The following NFKBIL1 variants were observed in gnomAD, a reference collection of about 807,000 sequenced individuals.
The protein encoded by NFKBIL1 is NF-kappa-B inhibitor-like protein 1.
In NFKBIL1, 30 loss-of-function variants were observed where a neutral mutation model predicts 45.4. That is an observed-to-expected ratio of 0.66 (90% CI 0.49 to 0.90). The LOEUF is 0.90. Among genes scored for constraint, NFKBIL1 ranks in the 40% least tolerant of loss-of-function variants. The pLI is 0.00. For missense variants in NFKBIL1, 434 were observed against 513.4 expected (o/e 0.85, Z 1.49); for synonymous variants, 179 against 197.3 (o/e 0.91, Z 0.78).
intron 2 of NFKBIL1, chr6:31,556,766 C>T (rs1562454833): frequency 4.4e-6 from 2 of 457,196 alleles, no homozygotes; most frequent in South Asian, 1.5e-5. Context: ...CTCCCCACCC[C>T]TCTCCCATCA....
intron 2 of NFKBIL1, among the ~76,000 whole-genome samples, chr6:31,551,024 G>A (rs1415610393): frequency 6.6e-6 from 1 of 151,850 alleles, no homozygotes; most frequent in Non-Finnish European, 1.5e-5. Flanking sequence ...TTCCTTTATT[G>A]TTTGTTTGCT....
intron 2 of NFKBIL1, among the ~76,000 whole-genome samples, chr6:31,554,600 G>A (rs763932096): frequency 6.6e-6 from 1 of 152,034 alleles, no homozygotes; most frequent in Non-Finnish European, 1.5e-5. Flanking sequence ...AAAAAACATT[G>A]TTAATAAAAT....
chr6:31,554,832 A>G (rs1018686493), intron 2 of NFKBIL1, among the ~76,000 whole-genome samples: 7 of 152,238 alleles, frequency 4.6e-5, no homozygotes, highest in African/African-American at 9.6e-5. Flanking sequence ...AACAAAGTCT[A>G]TCGATATTGG....
At position 31,557,512 on chromosome 6, in the gene NFKBIL1, C is replaced by T; in HGVS notation, c.335-116C>T. 1 of 705,826 alleles carries T rather than the reference C, an allele frequency of 1.4e-6. No homozygotes were observed. The highest frequency in any genetic ancestry group is 2.8e-5 in the South Asian group (1 of 35,716). 43.7% of individuals were successfully genotyped at this position (705,826 alleles called of 1,614,324 possible). On this transcript the variant is annotated intron_variant, in intron 2 of 3. Coordinates refer to ENST00000376148, the MANE Select transcript of NFKBIL1 (RefSeq NM_005007.4). The surrounding 1 kb of genome is among the most constrained non-coding windows in gnomAD (Gnocchi z 5.4). The stretch of plus-strand genomic sequence containing the variant: ...ATACCCAGGAGGCATCCATGTGAGC[C>T]ACCCTTCCATTGCTTTAAGACCAAG...
Position 31,557,875 on chromosome 6 carries a change from C to A in NFKBIL1, c.556+26C>A. On this transcript the variant is annotated intron_variant, in intron 3 of 3. Transcript: ENST00000376148. The surrounding 1 kb of genome is among the most constrained non-coding windows in gnomAD (Gnocchi z 5.4). ...GTGAGAAGTCCACTGCTATCCACAG[C>A]TGCCCTTCCCCACTGGCTGCTTTCC... The A allele has an allele frequency of 6.4e-7, 1 of 1,555,626 alleles. No individual in the cohort carries two copies. Among genetic ancestry groups the A allele is most frequent in the Admixed American group, 1.8e-5 (1 of 54,886 alleles).
At chr6:31,554,562 T>C (rs1769610635) in intron 2 of NFKBIL1, among the ~76,000 whole-genome samples, 1 of 151,846 alleles carries the variant, frequency 6.6e-6, no homozygotes, top group South Asian at 2.1e-4. Flanking sequence ...TCACAAAAAA[T>C]ACAAATAGCC....
intron 2 of NFKBIL1, among the ~76,000 whole-genome samples, chr6:31,554,349 G>A (rs1239647029): frequency 6.6e-6 from 1 of 152,148 alleles, no homozygotes; most frequent in Non-Finnish European, 1.5e-5. Context: ...GTGGGGCAGA[G>A]TTTGCAGTGA....
chr6:31,557,667 C>T lies in NFKBIL1; in HGVS notation c.374C>T (p.Pro125Leu). The T allele has an allele frequency of 6.3e-7, 1 of 1,575,430 alleles. No homozygotes were observed. Among genetic ancestry groups the T allele is most frequent in the Non-Finnish European group, 8.7e-7 (1 of 1,155,226 alleles). Residue 125 changes from proline (P) to leucine (L), a missense_variant, in exon 3 of 4, where the codon CCC (proline) becomes CTC (leucine). Pro to Leu is a moderately conservative substitution (Grantham distance 98). Coordinates refer to ENST00000376148, the MANE Select transcript of NFKBIL1 (RefSeq NM_005007.4). The surrounding 1 kb of genome is among the most constrained non-coding windows in gnomAD (Gnocchi z 5.4). ...TTCCTCCCGCTGCTAAGCCGCTGTCCCTCCGCCATGGGAATAAAGAATAAG... is the reference window on the plus strand; with the variant it reads ...TTCCTCCCGCTGCTAAGCCGCTGTCTCTCCGCCATGGGAATAAAGAATAAG... ...DFFLPLLSRCPSAMGIKNKDG... is the reference protein window; with the variant it reads ...DFFLPLLSRCLSAMGIKNKDG...
chr6:31,552,444 C>T (rs1387480156), intron 2 of NFKBIL1, among the ~76,000 whole-genome samples: 1 of 151,682 alleles, frequency 6.6e-6, no homozygotes, highest in Admixed American at 6.6e-5. Context: ...TATGCCACCA[C>T]GCCTGGCTAA....
Position 31,558,358 on chromosome 6 carries a change from G to A in NFKBIL1, c.893G>A (p.Gly298Asp). 2.6e-6 allele frequency: 4 copies of A among 1,551,910 alleles called. No individual in the cohort carries two copies. The highest frequency in any genetic ancestry group is 3.5e-6 in the Non-Finnish European group (4 of 1,145,680). The part of the protein sequence containing the change: ...GAGRGSLWRF[G>D]DVPWPCPGGG... Reference sequence around the variant, plus strand: ...GGGAGGGGCAGCCTCTGGCGATTTGGTGATGTGCCCTGGCCCTGCCCTGGG... The same window carrying A: ...GGGAGGGGCAGCCTCTGGCGATTTGATGATGTGCCCTGGCCCTGCCCTGGG... Residue 298 changes from glycine to aspartate, a missense_variant, in exon 4 of 4, where the codon GGT becomes GAT. Gly to Asp is a moderately conservative substitution (Grantham distance 94). Transcript: ENST00000376148. The surrounding 1 kb of genome is among the most constrained non-coding windows in gnomAD (Gnocchi z 7.2).
Position 31,547,763 on chromosome 6 carries a change from T to A in NFKBIL1, c.57+12T>A. 6.2e-7 allele frequency: 1 copy of A among 1,600,756 alleles called. No homozygotes were observed. Among genetic ancestry groups the A allele is most frequent in the Non-Finnish European group, 8.6e-7 (1 of 1,169,440 alleles). On this transcript the variant is annotated intron_variant, in intron 1 of 3. Coordinates refer to ENST00000376148, the MANE Select transcript of NFKBIL1 (RefSeq NM_005007.4). Reference sequence around the variant, plus strand: ...CATCTGTCTGCCGGGTACATGATATTCAATTTCTAGATCATTATTGGAGAT... The same window carrying A: ...CATCTGTCTGCCGGGTACATGATATACAATTTCTAGATCATTATTGGAGAT...
chr6:31,554,126 G>T (rs3094594), intron 2 of NFKBIL1, among the ~76,000 whole-genome samples: 58,387 of 151,954 alleles, frequency 0.38, 11,656 homozygotes, highest in African/African-American at 0.5. Flanking sequence ...AAAATTTTAG[G>T]CCGGGTGCGA....
intron 2 of NFKBIL1, among the ~76,000 whole-genome samples, chr6:31,554,091 A>G (rs1362309000): frequency 1.3e-5 from 2 of 152,246 alleles, no homozygotes; most frequent in Non-Finnish European, 2.9e-5. Context: ...AGAAAATAAT[A>G]TATTGATATA....
intron 2 of NFKBIL1, among the ~76,000 whole-genome samples, chr6:31,550,750 C>T (rs927513324): frequency 6.6e-5 from 10 of 152,166 alleles, no homozygotes; most frequent in African/African-American, 2.4e-4. Context: ...AGTGCAATGG[C>T]GCGATTTCAG....
Position 31,555,211 on chromosome 6 carries a change from A to AT in NFKBIL1, c.335-2411dup, listed in dbSNP as rs752306000. Among the ~76,000 whole-genome samples, 335 of 134,570 alleles carry AT rather than the reference A, an allele frequency of 2.5e-3. 4 individuals are homozygous for AT. Among genetic ancestry groups the AT allele is most frequent in the Middle Eastern group, 0.015 (4 of 270 alleles). The allele number at this position is 134,570 out of a possible 152,430, so 88.3% of individuals were successfully genotyped here. The stretch of plus-strand genomic sequence containing the variant: ...CACCCATAGGCTAGAATTTTTACAT[A>AT]TTTTTTGCCAGTCTATTTTTTTTCT... On this transcript the variant is annotated intron_variant, in intron 2 of 3. Transcript: ENST00000376148.
upstream of NFKBIL1, chr6:31,547,457 T>C (rs1257351648): frequency 2.4e-6 from 1 of 408,516 alleles, no homozygotes; most frequent in African/African-American, 2.1e-5. Flanking sequence ...ACGGCCCCTT[T>C]AATTTAAGTT....
upstream of NFKBIL1, chr6:31,547,508 T>C (rs1769115009): frequency 4.5e-6 from 2 of 449,390 alleles, no homozygotes; most frequent in Non-Finnish European, 7.9e-6. Context: ...AACTACCCGG[T>C]CGGGGCGGAA....
chr6:31,557,491 C>A lies in NFKBIL1; in HGVS notation c.335-137C>A. On this transcript the variant is annotated intron_variant, in intron 2 of 3. Transcript: ENST00000376148. The surrounding 1 kb of genome is among the most constrained non-coding windows in gnomAD (Gnocchi z 5.4). Reference sequence around the variant, plus strand: ...ATCAGTGATGGTTATTTCCTAATACCCAGGAGGCATCCATGTGAGCCACCC... The same window carrying A: ...ATCAGTGATGGTTATTTCCTAATACACAGGAGGCATCCATGTGAGCCACCC... 1.8e-6 allele frequency: 1 copy of A among 553,532 alleles called. No homozygotes were observed. Among genetic ancestry groups the A allele is most frequent in the Non-Finnish European group, 3.1e-6 (1 of 324,178 alleles). 34.3% of individuals were successfully genotyped at this position (553,532 alleles called of 1,614,324 possible). A position where few individuals can be genotyped will look rare whatever the true frequency, so the allele number is the denominator to read the frequency against.
Position 31,558,450 on chromosome 6 carries a change from G to C in NFKBIL1, c.985G>C (p.Ala329Pro), listed in dbSNP as rs1457400677. 6.4e-7 allele frequency: 1 copy of C among 1,551,186 alleles called. No homozygotes were observed. The highest frequency in any genetic ancestry group is 2.0e-5 in the Admixed American group (1 of 51,038). The change falls in exon 4 of 4, where the codon GCT becomes CCT. Residue 329 changes from alanine (A) to proline (P), a missense_variant. This residue lies in a region of NFKBIL1 where 52 missense variants were observed against 95.9 expected (regional missense o/e 0.54). Transcript: ENST00000376148. The surrounding 1 kb of genome is among the most constrained non-coding windows in gnomAD (Gnocchi z 7.2). ...ARGPPLEEQGALRRYLRVQQV... is the reference protein window; with the variant it reads ...ARGPPLEEQGPLRRYLRVQQV... ...GGGCCCCCCTTTGGAGGAACAGGGG[G>C]CTCTGAGGAGGTACTTGAGGGTCCA...
Sources: gnomAD v4.1 joint callset for allele counts (sites outside exome capture counted in the v4.1 genomes callset) on GRCh38, gnomAD v4.1.1 for gene constraint, gnomAD v4.1.1 regional missense constraint, Gnocchi (gnomAD v3.1) non-coding constraint, MANE v1.5 for transcripts, NCBI Gene and HGNC (gene_info 2026-07-23, HGNC 2026-07-21) for gene names.